ZNF143: variants seen among roughly 807,000 people sequenced by gnomAD.
The protein encoded by ZNF143 is SPH-binding factor.
Under a neutral mutation model 74.1 loss-of-function variants are expected in ZNF143, and 49 were observed. The ratio of observed to expected loss-of-function variants is 0.66; its 90% CI spans 0.53 to 0.84. The LOEUF (loss-of-function observed/expected upper bound fraction) is 0.84, where lower values mean the gene tolerates loss of function less well. Among genes scored for constraint, ZNF143 ranks in the 40% least tolerant of loss-of-function variants. ZNF143 has a pLI of 0.00. For missense variants in ZNF143, 637 were observed against 793.4 expected (o/e 0.80, Z 2.37); for synonymous variants, 304 against 282.8 (o/e 1.07, Z -0.75).
chr11:9,508,220 C>G (rs1048843477), intron 11 of ZNF143, among the ~76,000 whole-genome samples: 1 of 152,110 alleles, frequency 6.6e-6, no homozygotes, highest in Non-Finnish European at 1.5e-5. Context: ...TTTTTATTAT[C>G]TTTATGAAAT....
intron 13 of ZNF143, 28 bp downstream of exon 13, chr11:9,512,624 T>A: frequency 6.2e-7 from 1 of 1,609,952 alleles, no homozygotes. Context: ...GCCAAACAAA[T>A]TAAATCTTTC....
intron 1 of ZNF143, among the ~76,000 whole-genome samples, chr11:9,470,012 C>T (rs1216272483): frequency 6.6e-6 from 1 of 152,170 alleles, no homozygotes. Context: ...CTGTGTATTG[C>T]TCTTTTAAAT....
intron 1 of ZNF143, among the ~76,000 whole-genome samples, chr11:9,461,414 C>T (rs1248560375): frequency 2.0e-5 from 3 of 152,162 alleles, no homozygotes; most frequent in Non-Finnish European, 4.4e-5. Context: ...CCCTCGGGAG[C>T]CTTGGCCGCG....
At chr11:9,463,906 A>G (rs149185643) in intron 1 of ZNF143, 70 of 152,346 alleles carry the variant, frequency 4.6e-4, no homozygotes, top group African/African-American at 1.5e-3. Flanking sequence ...ATACAAGCAT[A>G]TACAGATAAC....
Position 9,486,362 on chromosome 11 carries a change from ATT to A in ZNF143, c.645+6817_645+6818del, listed in dbSNP as rs1491462951. Among the ~76,000 whole-genome samples, 89 of 43,456 alleles carry A rather than the reference ATT, an allele frequency of 2.0e-3. 1 individual carries two copies. Among genetic ancestry groups the A allele is most frequent in the Non-Finnish European group, 3.2e-3 (67 of 21,102 alleles). The allele number at this position is 43,456 out of a possible 152,430, so 28.5% of individuals were successfully genotyped here. A position where few individuals can be genotyped will look rare whatever the true frequency, so the allele number is the denominator to read the frequency against. Reference sequence around the variant, plus strand: ...TATATTATATATATATTATATATATATTATATATAATATATTATATATATAAT... The same window carrying A: ...TATATTATATATATATTATATATATAATATATAATATATTATATATATAAT... On this transcript the variant is annotated intron_variant, in intron 7 of 15. Coordinates refer to ENST00000396602, the MANE Select transcript of ZNF143 (RefSeq NM_003442.6).
intron 6 of ZNF143, among the ~76,000 whole-genome samples, chr11:9,478,898 A>G (rs534966693): frequency 7.9e-5 from 12 of 152,270 alleles, no homozygotes; most frequent in Non-Finnish European, 1.6e-4. Flanking sequence ...GGAAAAAAAA[A>G]GGGAATGGAG....
At chr11:9,500,447 C>G (rs1440222831) in intron 10 of ZNF143, among the ~76,000 whole-genome samples, 1 of 144,132 alleles carries the variant, frequency 6.9e-6, no homozygotes, top group Non-Finnish European at 1.5e-5. Context: ...ATTTTTTTTT[C>G]TCTTGAGATG....
intron 5 of ZNF143, among the ~76,000 whole-genome samples, chr11:9,475,908 A>ATGTG (rs1206618102): frequency 4.3e-4 from 51 of 117,662 alleles, no homozygotes; most frequent in East Asian, 3.6e-3. Flanking sequence ...AAAAAAATAT[A>ATGTG]TATGTGTGTG....
rs1417830914 is a variant in ZNF143 at position 9,492,325 on chromosome 11, G to A, written c.646-2321G>A. 4.6e-5 allele frequency among the ~76,000 whole-genome samples: 7 copies of A among 151,742 alleles called. No individual in the cohort carries two copies. The East Asian group carries it at 5.8e-4, about 13-fold the overall frequency. On this transcript the variant is annotated intron_variant, in intron 7 of 15. Coordinates refer to ENST00000396602, the MANE Select transcript of ZNF143 (RefSeq NM_003442.6). ...CAGGGTTTCGCTGTGTTGGCAAGAC[G>A]GGTCTCGAACTTCCGTCCTCAGGTG...
chr11:9,472,662 A>G lies in ZNF143; in HGVS notation c.113-15A>G, dbSNP rs1856649967. On this transcript the variant is annotated splice_polypyrimidine_tract_variant and intron_variant, in intron 2 of 15. Coordinates refer to ENST00000396602, the MANE Select transcript of ZNF143 (RefSeq NM_003442.6). ...TGCTAGCTGTCTAAAGAAAATATTG[A>G]TTTTTTTGTAATAGATGGTGACAAC... 1.2e-6 allele frequency: 2 copies of G among 1,605,284 alleles called. No homozygotes were observed. Among genetic ancestry groups the G allele is most frequent in the Admixed American group, 3.5e-5 (2 of 57,960 alleles).
At chr11:9,486,353 T>A (rs866143775) in intron 7 of ZNF143, among the ~76,000 whole-genome samples, 32 of 50,224 alleles carry the variant, frequency 6.4e-4, no homozygotes, top group East Asian at 1.3e-3. Context: ...ATATATATAT[T>A]ATATATATAT....
chr11:9,479,494 G>A lies in ZNF143; in HGVS notation c.593G>A (p.Ser198Asn), dbSNP rs369164452. ...AAKVSIDGSE[S>N]VAGTGMIGEN... The stretch of plus-strand genomic sequence containing the variant: ...TAGGTGTCCATTGATGGAAGTGAAA[G>A]TGTAGCAGGTACTGGAATGATTGGA... Residue 198 changes from serine to asparagine, a missense_variant, in exon 7 of 16, where the codon AGT (serine) becomes AAT (asparagine). This residue lies in a region of ZNF143 where 293 missense variants were observed against 307.8 expected (regional missense o/e 0.95). Transcript: ENST00000396602. 2 of 1,613,040 alleles carry A rather than the reference G, an allele frequency of 1.2e-6. No homozygotes were observed. The highest frequency in any genetic ancestry group is 1.7e-6 in the Non-Finnish European group (2 of 1,179,700).
In ZNF143 at chr11:9,513,624, G is replaced by A. The variant is rs368207598; in HGVS notation, c.1524+1028G>A. On this transcript the variant is annotated intron_variant, in intron 13 of 15. Transcript: ENST00000396602. Reference sequence around the variant, plus strand: ...TCTTAGGCAATCTGGGTCCAGGCGCGGAGGCTTACGCCTATAATCACAGCA... The same window carrying A: ...TCTTAGGCAATCTGGGTCCAGGCGCAGAGGCTTACGCCTATAATCACAGCA... Among the ~76,000 whole-genome samples, 277 of 152,350 alleles carry A rather than the reference G, an allele frequency of 1.8e-3. 2 individuals carry two copies. In the Middle Eastern group the frequency reaches 0.031, roughly 17 times the overall value.
In ZNF143 at chr11:9,501,165, G is replaced by A. The variant is rs775769334; in HGVS notation, c.1042G>A (p.Val348Ile). The change falls in exon 11 of 16, where the codon GTT becomes ATT. Residue 348 changes from valine (V) to isoleucine (I), a missense_variant. By Grantham distance (29) the Val-to-Ile change is conservative (BLOSUM62 3). Coordinates refer to ENST00000396602, the MANE Select transcript of ZNF143 (RefSeq NM_003442.6). ...FTTSNIRKVH[V>I]RTHTGERPYY... Reference sequence around the variant, plus strand: ...AACATCAAATATCAGAAAAGTGCACGTTAGGACACACACAGGAGAAAGACC... The same window carrying A: ...AACATCAAATATCAGAAAAGTGCACATTAGGACACACACAGGAGAAAGACC... The A allele has an allele frequency of 8.7e-6, 14 of 1,614,156 alleles. No homozygotes were observed. The highest frequency in any genetic ancestry group is 6.7e-5 in the Admixed American group (4 of 60,016).
chr11:9,472,237 G>GT (rs1256435471), intron 2 of ZNF143, among the ~76,000 whole-genome samples: 1 of 151,692 alleles, frequency 6.6e-6, no homozygotes, highest in African/African-American at 2.4e-5. Context: ...CCTGTTTTTG[G>GT]TAAGTGCTAA....
intron 5 of ZNF143, among the ~76,000 whole-genome samples, chr11:9,475,344 T>G (rs540910752): frequency 7.2e-4 from 109 of 152,298 alleles, no homozygotes; most frequent in African/African-American, 2.6e-3. Context: ...ACTATAGCCC[T>G]GAATTCCTGG....
intron 7 of ZNF143, among the ~76,000 whole-genome samples, chr11:9,491,010 G>T (rs1268404865): frequency 6.6e-6 from 1 of 152,200 alleles, no homozygotes; most frequent in African/African-American, 2.4e-5. Context: ...TGGAATTGTA[G>T]GCATGAACCA....
At chr11:9,504,024 A>T (rs181884159) in intron 11 of ZNF143, among the ~76,000 whole-genome samples, 1 of 136,118 alleles carries the variant, frequency 7.3e-6, no homozygotes, top group African/African-American at 2.8e-5. Flanking sequence ...CAGTGGCGCA[A>T]TCTTGGCCTG....
At chr11:9,502,332 G>T (rs796278659) in intron 11 of ZNF143, among the ~76,000 whole-genome samples, 1 of 139,970 alleles carries the variant, frequency 7.1e-6, no homozygotes, top group Non-Finnish European at 1.5e-5. Context: ...TGTATGGGCC[G>T]GGCGCGGTGG....
Sources: allele counts gnomAD v4.1 joint callset (sites outside exome capture counted in the v4.1 genomes callset), GRCh38; gene constraint gnomAD v4.1.1; regional missense constraint gnomAD v4.1.1; transcripts MANE v1.5; gene names NCBI Gene and HGNC (gene_info 2026-07-23, HGNC 2026-07-21).